The following MPDZ variants were observed in gnomAD, a reference collection of about 807,000 sequenced individuals.
MPDZ encodes the protein multiple PDZ domain crumbs cell polarity complex component, also known as multiple PDZ domain protein.
In MPDZ, 234 loss-of-function variants were observed where a neutral mutation model predicts 239.1. That is an observed-to-expected ratio of 0.98 (90% CI 0.88 to 1.09). The LOEUF (loss-of-function observed/expected upper bound fraction) is 1.09. Ranked by LOEUF, MPDZ falls within the 50% of genes least tolerant of loss-of-function variation. The pLI, the probability that MPDZ is intolerant of heterozygous loss-of-function variation, is 0.00. For synonymous variants in MPDZ, 1,048 were observed against 881.3 expected (o/e 1.19, Z -3.35); for missense variants, 3,175 against 2,510.0 (o/e 1.26, Z -5.66).
chr9:13,255,174 A>T (rs1055512311), intron 1 of MPDZ, among the ~76,000 whole-genome samples: 7 of 152,204 alleles, frequency 4.6e-5, no homozygotes, highest in Admixed American at 1.3e-4. Flanking sequence ...CATAAAAAGC[A>T]ACTCCTCATT....
chr9:13,191,995 A>G, intron 15 of MPDZ, 136 bp downstream of exon 15: 1 of 735,266 alleles, frequency 1.4e-6, no homozygotes, highest in Non-Finnish European at 1.9e-6. Flanking sequence ...GATTTGTCTG[A>G]CTTTAAATTC....
intron 1 of MPDZ, among the ~76,000 whole-genome samples, chr9:13,274,998 A>C (rs1028294887): frequency 3.9e-5 from 6 of 152,234 alleles, no homozygotes; most frequent in Non-Finnish European, 7.3e-5. Context: ...CATCCAGAGA[A>C]AGAAAATAAG....
chr9:13,252,419 A>T (rs1968291309), intron 1 of MPDZ, among the ~76,000 whole-genome samples: 1 of 151,966 alleles, frequency 6.6e-6, no homozygotes. Context: ...TACAAAAATT[A>T]GCTGGGTGTG....
At chr9:13,268,536 C>A (rs781639657) in intron 1 of MPDZ, among the ~76,000 whole-genome samples, 2 of 151,890 alleles carry the variant, frequency 1.3e-5, no homozygotes, top group Non-Finnish European at 2.9e-5. Flanking sequence ...TAGTGGAAAA[C>A]GGTAAGTAAT....
In MPDZ at chr9:13,222,329, C is replaced by T. The variant is rs961338332; in HGVS notation, c.651G>A (p.Gln217=). The T allele has an allele frequency of 1.9e-6, 3 of 1,612,946 alleles. No homozygotes were observed. The African/African-American group carries it at 4.0e-5, about 22-fold the overall frequency. Residue 217 remains glutamine, a synonymous_variant, in exon 6 of 47, where the codon CAG becomes CAA. Transcript: ENST00000319217. ...SILQKAKDTV[Q]LVIARGSLPQ... ...GCAATGAGCCTCTGGCAATAACTAG[C>T]TGGACAGTATCTTTGGCTTTCTGCA...
intron 10 of MPDZ, among the ~76,000 whole-genome samples, chr9:13,216,164 G>A (rs1467192608): frequency 6.6e-6 from 1 of 151,434 alleles, no homozygotes; most frequent in Non-Finnish European, 1.5e-5. Flanking sequence ...GCTGCAGTCT[G>A]GGGAGTCCGG....
intron 1 of MPDZ, among the ~76,000 whole-genome samples, chr9:13,270,200 CTTT>C: frequency 6.6e-6 from 1 of 152,302 alleles, no homozygotes. Context: ...CACAAACCAA[CTTT>C]TACTTTCGTA....
At chr9:13,260,923 G>C (rs1291378807) in intron 1 of MPDZ, among the ~76,000 whole-genome samples, 3 of 152,150 alleles carry the variant, frequency 2.0e-5, no homozygotes, top group African/African-American at 4.8e-5. Context: ...CCATTCCGCA[G>C]GCCCTCCTCC....
In MPDZ at chr9:13,243,487, T is replaced by G. The variant is rs531574558; in HGVS notation, c.183+4148A>C. 1.1e-4 allele frequency among the ~76,000 whole-genome samples: 16 copies of G among 152,266 alleles called. 1 individual carries two copies. In the East Asian group the frequency reaches 2.3e-3, roughly 22 times the overall value. ...TTTGGTCTTTGTTTAGGTTTACATT[T>G]GAATCATTCATTATTTAACAAGTCT... On this transcript the variant is annotated intron_variant, in intron 3 of 46. Coordinates refer to ENST00000319217, the MANE Select transcript of MPDZ (RefSeq NM_001378778.1).
At chr9:13,156,876 T>G (rs1442505453) in intron 24 of MPDZ, among the ~76,000 whole-genome samples, 1 of 152,154 alleles carries the variant, frequency 6.6e-6, no homozygotes, top group East Asian at 1.9e-4. Flanking sequence ...ATATATTTTC[T>G]GCCACAGATC....
At chr9:13,118,565 A>G (rs1335840823) in intron 39 of MPDZ, among the ~76,000 whole-genome samples, 1 of 152,186 alleles carries the variant, frequency 6.6e-6, no homozygotes, top group Non-Finnish European at 1.5e-5. Flanking sequence ...GGTACTGATG[A>G]TGACAGTTTT....
chr9:13,157,387 G>A (rs986702797), intron 24 of MPDZ, among the ~76,000 whole-genome samples: 1 of 152,012 alleles, frequency 6.6e-6, no homozygotes, highest in Non-Finnish European at 1.5e-5. Context: ...TTATTTCCTT[G>A]TTATTCACAA....
chr9:13,175,924 A>G, intron 20 of MPDZ, 49 bp from the exon 21 acceptor site: 1 of 1,544,650 alleles, frequency 6.5e-7, no homozygotes, highest in African/African-American at 1.4e-5. Context: ...GGGAAACTAG[A>G]CTTTGGAGCG....
In MPDZ at chr9:13,115,011, A is replaced by C. The variant is rs113401270; in HGVS notation, c.5466+237T>G. ...GAGATTATGGAAAATGAATCATGTC[A>C]AAAAAGAATGCTTGAAATCAATTTC... On this transcript the variant is annotated intron_variant, in intron 40 of 46. Transcript: ENST00000319217. 3.2e-3 allele frequency among the ~76,000 whole-genome samples: 483 copies of C among 152,326 alleles called. 2 individuals are homozygous for C. The highest frequency in any genetic ancestry group is 0.011 in the African/African-American group (471 of 41,578).
rs1975084048 is a variant in MPDZ at position 13,279,291 on chromosome 9, C to G, written c.-58+109G>C. 1.4e-5 allele frequency: 2 copies of G among 139,830 alleles called. 1 individual carries two copies. Among genetic ancestry groups the G allele is most frequent in the Admixed American group, 1.4e-4 (2 of 14,386 alleles). The allele number at this position is 139,830 out of a possible 1,614,324, so 8.7% of individuals were successfully genotyped here. On this transcript the variant is annotated intron_variant, in intron 1 of 46. Coordinates refer to ENST00000319217, the MANE Select transcript of MPDZ (RefSeq NM_001378778.1). ...CCCACCCCCATCCCCGCCCCCACCC[C>G]CACCCCCAAGCGCCGAGCCCAGGGC...
intron 1 of MPDZ, 99 bp downstream of exon 1, chr9:13,279,301 G>GCA (rs1975100855): frequency 1.4e-5 from 1 of 71,644 alleles, no homozygotes; most frequent in African/African-American, 4.8e-5. Flanking sequence ...CCACCCCCAA[G>GCA]CGCCGAGCCC....
At chr9:13,165,032 G>A (rs541671301) in intron 22 of MPDZ, among the ~76,000 whole-genome samples, 1 of 152,268 alleles carries the variant, frequency 6.6e-6, no homozygotes, top group African/African-American at 2.4e-5. Context: ...AATACCATTA[G>A]AGATGCTGAA....
Position 13,193,321 on chromosome 9 carries a change from GAAA to G in MPDZ, c.1657-11_1657-9del. On this transcript the variant is annotated splice_polypyrimidine_tract_variant and intron_variant, in intron 13 of 46. Coordinates refer to ENST00000319217, the MANE Select transcript of MPDZ (RefSeq NM_001378778.1). ...CTTGCTCACATGGGCCACCTGAAAA[GAAA>G]AAAAAAAAGATCACCACAATTTTTA... 5 of 1,214,262 alleles carry G rather than the reference GAAA, an allele frequency of 4.1e-6. No individual in the cohort carries two copies. Among genetic ancestry groups the G allele is most frequent in the Non-Finnish European group, 3.3e-6 (3 of 898,750 alleles). 75.2% of individuals were successfully genotyped at this position (1,214,262 alleles called of 1,614,324 possible).
intron 3 of MPDZ, among the ~76,000 whole-genome samples, chr9:13,243,565 A>C (rs995582472): frequency 6.6e-6 from 1 of 152,204 alleles, no homozygotes; most frequent in Non-Finnish European, 1.5e-5. Context: ...ACAAAAACTT[A>C]CATAGAAATA....
Sources: allele counts gnomAD v4.1 joint callset (sites outside exome capture counted in the v4.1 genomes callset), GRCh38; gene constraint gnomAD v4.1.1; transcripts MANE v1.5; gene names NCBI Gene and HGNC (gene_info 2026-07-23, HGNC 2026-07-21).